The following CLEC9A variants were observed in gnomAD, a reference collection of about 807,000 sequenced individuals.
The protein encoded by CLEC9A is C-type lectin domain containing 9A, also known as C-type lectin domain family 9 member A.
CLEC9A carries 24 observed loss-of-function variants against 30.0 expected under a neutral mutation model. The observed-to-expected ratio is 0.80, with a 90% CI of 0.58 to 1.13. CLEC9A has a LOEUF of 1.13. Among genes scored for constraint, CLEC9A ranks in the 50% most tolerant of loss-of-function variants. CLEC9A has a pLI of 0.00. For missense variants in CLEC9A, 251 were observed against 280.9 expected (o/e 0.89, Z 0.76); for synonymous variants, 111 against 96.8 (o/e 1.15, Z -0.86).
intron 2 of CLEC9A, among the ~76,000 whole-genome samples, chr12:10,048,239 C>CA (rs34010283): frequency 0.23 from 30,345 of 130,530 alleles, 3,600 homozygotes; most frequent in East Asian, 0.46. Flanking sequence ...GACTCCGTCT[C>CA]AAAAAAAAAA....
At chr12:10,031,315 T>C (rs1250679645) in intron 1 of CLEC9A, among the ~76,000 whole-genome samples, 2 of 152,192 alleles carry the variant, frequency 1.3e-5, no homozygotes, top group Non-Finnish European at 2.9e-5. Flanking sequence ...TCAGGTAGCT[T>C]CCTTACTCTT....
intron 2 of CLEC9A, among the ~76,000 whole-genome samples, chr12:10,048,202 C>T (rs1565590777): frequency 2.0e-5 from 3 of 149,180 alleles, no homozygotes; most frequent in Admixed American, 1.3e-4. Flanking sequence ...CACTGCAGTC[C>T]GCAGTCCGGC....
At chr12:10,031,596 A>G (rs1865697020) in intron 1 of CLEC9A, among the ~76,000 whole-genome samples, 1 of 152,130 alleles carries the variant, frequency 6.6e-6, no homozygotes, top group Non-Finnish European at 1.5e-5. Flanking sequence ...AATTGGCTTT[A>G]GTTTTTACTC....
intron 4 of CLEC9A, 40 bp downstream of exon 4, chr12:10,052,818 C>T (rs1292442677): frequency 3.2e-6 from 5 of 1,550,288 alleles, no homozygotes; most frequent in Non-Finnish European, 1.8e-6. Context: ...CTTTAGAGTT[C>T]ATGTTTTTTT....
intron 1 of CLEC9A, among the ~76,000 whole-genome samples, chr12:10,038,295 A>G (rs1865760594): frequency 6.6e-6 from 1 of 152,168 alleles, no homozygotes; most frequent in African/African-American, 2.4e-5. Flanking sequence ...TTGTTTGTTT[A>G]TTCTTCACCT....
chr12:10,039,304 C>A (rs1865771045), intron 1 of CLEC9A, among the ~76,000 whole-genome samples: 3 of 152,124 alleles, frequency 2.0e-5, no homozygotes, highest in African/African-American at 7.2e-5. Flanking sequence ...TCTCAATGGT[C>A]ACTATTTGTC....
At chr12:10,049,179 T>C (rs1074059) in intron 2 of CLEC9A, among the ~76,000 whole-genome samples, 77,532 of 151,950 alleles carry the variant, frequency 0.51, 22,822 homozygotes, top group Middle Eastern at 0.73. Context: ...GCAGTAGTTC[T>C]CAACAGTGAG....
chr12:10,052,890 G>A, intron 4 of CLEC9A, 112 bp downstream of exon 4: 3 of 1,210,082 alleles, frequency 2.5e-6, no homozygotes, highest in Non-Finnish European at 1.1e-6. Flanking sequence ...TCTACCTAAG[G>A]GTACTGTAAT....
At chr12:10,054,912 A>T (rs1865926784) in intron 5 of CLEC9A, among the ~76,000 whole-genome samples, 1 of 152,172 alleles carries the variant, frequency 6.6e-6, no homozygotes, top group East Asian at 1.9e-4. Flanking sequence ...CTCTAACATC[A>T]CTCATGCTAC....
Position 10,052,226 on chromosome 12 carries a change from G to T in CLEC9A, c.-59+132G>T, listed in dbSNP as rs534571120. ...GTTGAAATCCCTTCCTAGCTTTGTT[G>T]TTTAAGGCTACCCAGTGATCTCCCA... is the stretch of plus-strand genomic sequence containing the variant. On this transcript the variant is annotated intron_variant, in intron 3 of 8. Transcript: ENST00000355819. The T allele has an allele frequency of 1.7e-4, 26 of 156,360 alleles. No individual in the cohort carries two copies. The East Asian group carries it at 4.8e-3, about 29-fold the overall frequency. The allele number at this position is 156,360 out of a possible 1,614,324, so 9.7% of individuals were successfully genotyped here. A position where few individuals can be genotyped will look rare whatever the true frequency, so the allele number is the denominator to read the frequency against.
At chr12:10,050,170 C>T (rs1452289423) in intron 2 of CLEC9A, among the ~76,000 whole-genome samples, 1 of 152,128 alleles carries the variant, frequency 6.6e-6, no homozygotes, top group East Asian at 1.9e-4. Flanking sequence ...ATTAAGTTAA[C>T]CATCTTATAT....
intron 2 of CLEC9A, among the ~76,000 whole-genome samples, chr12:10,046,942 TA>T (rs745949706): frequency 2.0e-5 from 3 of 152,236 alleles, no homozygotes; most frequent in Non-Finnish European, 4.4e-5. Context: ...TAGGTAATTG[TA>T]AACCTCATTT....
Position 10,064,826 on chromosome 12 carries a change from A to G in CLEC9A, c.566A>G (p.Gln189Arg), listed in dbSNP as rs866138086. 1.2e-6 allele frequency: 2 copies of G among 1,613,396 alleles called. No individual in the cohort carries two copies. The highest frequency in any genetic ancestry group is 2.7e-5 in the African/African-American group (2 of 74,998). Residue 189 changes from glutamine to arginine, a missense_variant, in exon 8 of 9, where the codon CAA (glutamine) becomes CGA (arginine). Physicochemically the swap from Gln to Arg is conservative, Grantham distance 43 (BLOSUM62 1). Transcript: ENST00000355819. ...QDGHSGRWLW[Q>R]DGSSPSPGLL... ...GGACACAGCGGACGCTGGCTTTGGC[A>G]AGATGGCTCCTCTCCTTCTCCTGGC...
chr12:10,063,251 T>G lies in CLEC9A; in HGVS notation c.471+45T>G, dbSNP rs200339657. The G allele has an allele frequency of 2.8e-5, 41 of 1,456,118 alleles. No homozygotes were observed. The East Asian group carries it at 1.0e-3, about 37-fold the overall frequency. The allele number at this position is 1,456,118 out of a possible 1,614,324, so 90.2% of individuals were successfully genotyped here. A position where few individuals can be genotyped will look rare whatever the true frequency, so the allele number is the denominator to read the frequency against. On this transcript the variant is annotated intron_variant, in intron 7 of 8. Transcript: ENST00000355819. ...CTCATGTTATTCTGAAAATATCATTTTACTTATTAAAAGAAATCCCTCATT... is the reference window on the plus strand; with the variant it reads ...CTCATGTTATTCTGAAAATATCATTGTACTTATTAAAAGAAATCCCTCATT...
intron 2 of CLEC9A, among the ~76,000 whole-genome samples, chr12:10,044,450 T>C (rs2137301674): frequency 6.6e-6 from 1 of 152,362 alleles, no homozygotes; most frequent in Middle Eastern, 3.4e-3. Context: ...CTCCTATTAC[T>C]TGCTGCCTCA....
rs895348122 is a variant in CLEC9A at position 10,065,904 on chromosome 12, A to C, written c.*272A>C. 6 of 290,906 alleles carry C rather than the reference A, an allele frequency of 2.1e-5. No individual in the cohort carries two copies. The highest frequency in any genetic ancestry group is 3.8e-5 in the Non-Finnish European group (6 of 156,554). 18.0% of individuals were successfully genotyped at this position (290,906 alleles called of 1,614,324 possible). A position where few individuals can be genotyped will look rare whatever the true frequency, so the allele number is the denominator to read the frequency against. ...GAACAAACGCAAGGAAATAATTTTT[A>C]TTGTTTAAAGCCCGGAATGACTGTA... On this transcript the variant is annotated 3_prime_UTR_variant, in exon 9 of 9. Transcript: ENST00000355819.
chr12:10,048,544 G>T (rs1236262564), intron 2 of CLEC9A, among the ~76,000 whole-genome samples: 1 of 152,178 alleles, frequency 6.6e-6, no homozygotes, highest in African/African-American at 2.4e-5. Flanking sequence ...CTAAGTTTAT[G>T]CAGTATTTGA....
In CLEC9A at chr12:10,065,682, A is replaced by G. The variant is rs1164310127; in HGVS notation, c.*50A>G. 1.3e-6 allele frequency: 2 copies of G among 1,590,256 alleles called. No homozygotes were observed. Among genetic ancestry groups the G allele is most frequent in the Non-Finnish European group, 1.7e-6 (2 of 1,166,510 alleles). On this transcript the variant is annotated 3_prime_UTR_variant, in exon 9 of 9. Coordinates refer to ENST00000355819, the MANE Select transcript of CLEC9A (RefSeq NM_207345.4). ...ATTACACTGTTATTTGGAGCATGCC[A>G]TTGGAAAACCCACCCCCACCCCCCC...
At chr12:10,051,062 G>A (rs893284067) in intron 2 of CLEC9A, among the ~76,000 whole-genome samples, 7 of 152,020 alleles carry the variant, frequency 4.6e-5, no homozygotes, top group African/African-American at 7.2e-5. Flanking sequence ...AAAATTAGCC[G>A]GGCGTGGTGG....
Sources: gnomAD v4.1 joint callset for allele counts (sites outside exome capture counted in the v4.1 genomes callset) on GRCh38, gnomAD v4.1.1 for gene constraint, MANE v1.5 for transcripts, NCBI Gene and HGNC (gene_info 2026-07-23, HGNC 2026-07-21) for gene names.